SEPTIN14: variants seen among roughly 807,000 people sequenced by gnomAD.
SEPTIN14 encodes the protein septin 14.
In SEPTIN14, 40 loss-of-function variants were observed where a neutral mutation model predicts 53.6. The ratio of observed to expected loss-of-function variants is 0.75; its 90% CI spans 0.58 to 0.97. The LOEUF (loss-of-function observed/expected upper bound fraction) is 0.97. Among genes scored for constraint, SEPTIN14 ranks in the 50% least tolerant of loss-of-function variants. The pLI, the probability that SEPTIN14 is intolerant of heterozygous loss-of-function variation, is 0.00. For synonymous variants in SEPTIN14, 138 were observed against 166.8 expected, an observed-to-expected ratio of 0.83 and a Z score of 1.33; for missense variants, 471 against 508.2, an observed-to-expected ratio of 0.93 and a Z score of 0.70.
chr7:55,835,185 T>TTTTA (rs560812909), intron 5 of SEPTIN14, among the ~76,000 whole-genome samples: 2,628 of 151,610 alleles, frequency 0.017, 40 homozygotes, highest in South Asian at 0.044. Context: ...ATGTAAATTA[T>TTTTA]TTTATTTATT....
chr7:55,854,218 T>C (rs939427933), intron 2 of SEPTIN14, among the ~76,000 whole-genome samples: 2 of 152,216 alleles, frequency 1.3e-5, no homozygotes, highest in Non-Finnish European at 2.9e-5. Context: ...AAAAATATTA[T>C]ATTTGATGAA....
chr7:55,837,228 A>C (rs1328096490), intron 5 of SEPTIN14, among the ~76,000 whole-genome samples: 1 of 150,880 alleles, frequency 6.6e-6, no homozygotes, highest in African/African-American at 2.4e-5. Context: ...CGATCCTCCC[A>C]CCTCAGCCTC....
rs1429307536 is a variant in SEPTIN14 at position 55,839,053 on chromosome 7, A to G, written c.558+3889T>C. On this transcript the variant is annotated intron_variant, in intron 5 of 9. Transcript: ENST00000388975. ...TTTTATCTCAACATGTAGGCATTGT[A>G]TTATCTCACATCATCATAAGAAGAG... Among the ~76,000 whole-genome samples, 4 of 152,152 alleles carry G rather than the reference A, an allele frequency of 2.6e-5. 1 individual carries two copies. The highest frequency in any genetic ancestry group is 9.7e-5 in the African/African-American group (4 of 41,446).
chr7:55,860,669 A>G (rs78991760), intron 2 of SEPTIN14, among the ~76,000 whole-genome samples: 2,552 of 152,260 alleles, frequency 0.017, 64 homozygotes, highest in African/African-American at 0.053. Context: ...TTAATATTAC[A>G]TATCATTTAA....
intron 2 of SEPTIN14, among the ~76,000 whole-genome samples, chr7:55,846,921 C>T (rs1323242794): frequency 1.3e-5 from 2 of 152,166 alleles, no homozygotes; most frequent in African/African-American, 2.4e-5. Flanking sequence ...GGCACGGTGG[C>T]TCATGCCTGT....
rs1435494709 is a variant in SEPTIN14 at position 55,795,674 on chromosome 7, G to A, written c.*239C>T. On this transcript the variant is annotated 3_prime_UTR_variant, in exon 10 of 10. Transcript: ENST00000388975. ...GTAGAGGCAGGGTTTCATCATTTTG[G>A]TCAGGCTGGTTTTGAACTCCTGACC... 2 of 468,232 alleles carry A rather than the reference G, an allele frequency of 4.3e-6. No individual in the cohort carries two copies. Among genetic ancestry groups the A allele is most frequent in the Admixed American group, 3.8e-5 (1 of 26,170 alleles). The allele number at this position is 468,232 out of a possible 1,614,324, so 29.0% of individuals were successfully genotyped here.
At chr7:55,856,726 A>C (rs182886760) in intron 2 of SEPTIN14, among the ~76,000 whole-genome samples, 16 of 152,102 alleles carry the variant, frequency 1.1e-4, no homozygotes, top group Non-Finnish European at 2.4e-4. Context: ...TCTGCCACTG[A>C]TGGACACCTA....
chr7:55,858,318 C>T (rs981622917), intron 2 of SEPTIN14, among the ~76,000 whole-genome samples: 9 of 152,208 alleles, frequency 5.9e-5, no homozygotes, highest in African/African-American at 2.2e-4. Flanking sequence ...AAAGTATTCT[C>T]ACGTACCTTC....
At chr7:55,849,334 T>A in intron 2 of SEPTIN14, among the ~76,000 whole-genome samples, 1 of 146,078 alleles carries the variant, frequency 6.8e-6, no homozygotes, top group Non-Finnish European at 1.5e-5. Context: ...CAAAAATAAA[T>A]AAATAAAAGC....
At chr7:55,811,121 G>A (rs1325170115) in intron 7 of SEPTIN14, 19 of 475,226 alleles carry the variant, frequency 4.0e-5, no homozygotes, top group South Asian at 2.3e-4. Flanking sequence ...TAGCTCCCGC[G>A]GTGATATCCA....
rs533256928 is a variant in SEPTIN14, at chr7:55,813,113, C to A, written c.818-5855G>T. ...TACAGCTGCACACCACTATGCCCAGCTAATTTTTGTATTTTTAGTAGAGAC... is the reference window on the plus strand; with the variant it reads ...TACAGCTGCACACCACTATGCCCAGATAATTTTTGTATTTTTAGTAGAGAC... On this transcript the variant is annotated intron_variant, in intron 7 of 9. Coordinates refer to ENST00000388975, the MANE Select transcript of SEPTIN14 (RefSeq NM_207366.3). Among the ~76,000 whole-genome samples, 423 of 152,224 alleles carry A rather than the reference C, an allele frequency of 2.8e-3. 4 individuals carry two copies. The highest frequency in any genetic ancestry group is 9.5e-3 in the African/African-American group (393 of 41,544).
intron 2 of SEPTIN14, among the ~76,000 whole-genome samples, chr7:55,849,580 T>C (rs964945879): frequency 6.6e-6 from 1 of 151,774 alleles, no homozygotes; most frequent in African/African-American, 2.4e-5. Context: ...ACCCCGTCTC[T>C]ACTAAAAATA....
intron 2 of SEPTIN14, among the ~76,000 whole-genome samples, chr7:55,847,258 ACT>A (rs935248523): frequency 2.4e-4 from 36 of 151,988 alleles, no homozygotes; most frequent in Middle Eastern, 3.4e-3. Context: ...ACTACAAGAA[ACT>A]CTAATGTATT....
chr7:55,834,889 C>T (rs1347114940), intron 5 of SEPTIN14, among the ~76,000 whole-genome samples: 1 of 152,136 alleles, frequency 6.6e-6, no homozygotes, highest in Non-Finnish European at 1.5e-5. Flanking sequence ...TCGTGATCCG[C>T]CTGCCCCGGC....
chr7:55,822,648 G>C (rs536609425), intron 6 of SEPTIN14, among the ~76,000 whole-genome samples: 2 of 152,108 alleles, frequency 1.3e-5, no homozygotes, highest in Non-Finnish European at 2.9e-5. Flanking sequence ...ATTTAATGGA[G>C]ACAAGATATT....
intron 2 of SEPTIN14, among the ~76,000 whole-genome samples, chr7:55,852,273 C>T (rs1235099778): frequency 1.3e-5 from 2 of 152,088 alleles, no homozygotes; most frequent in African/African-American, 2.4e-5. Context: ...AATCACATTA[C>T]TTGACTTCAA....
At chr7:55,808,269 C>T (rs1343973138) in intron 7 of SEPTIN14, among the ~76,000 whole-genome samples, 4 of 152,150 alleles carry the variant, frequency 2.6e-5, no homozygotes, top group African/African-American at 7.2e-5. Flanking sequence ...CAAAATAAGT[C>T]TTAACATATT....
intron 2 of SEPTIN14, among the ~76,000 whole-genome samples, chr7:55,857,830 G>T (rs567430873): frequency 1.3e-5 from 2 of 151,566 alleles, no homozygotes; most frequent in South Asian, 2.1e-4. Context: ...CTCGTGATCC[G>T]CCCGCCTCGG....
At position 55,846,697 on chromosome 7, in the gene SEPTIN14, G is replaced by A. The variant is rs1789422937; in HGVS notation, c.55-60C>T. On this transcript the variant is annotated intron_variant, in intron 2 of 9. Transcript: ENST00000388975. ...GAATAAAAAATGAAGTCATTTGAAAGGAAAATGATTATAGTACATCAAATA... is the reference window on the plus strand; with the variant it reads ...GAATAAAAAATGAAGTCATTTGAAAAGAAAATGATTATAGTACATCAAATA... The A allele has an allele frequency of 7.7e-6, 7 of 913,712 alleles. No homozygotes were observed. The Admixed American group carries it at 1.5e-4, about 20-fold the overall frequency. The allele number at this position is 913,712 out of a possible 1,614,324, so 56.6% of individuals were successfully genotyped here. A position where few individuals can be genotyped will look rare whatever the true frequency, so the allele number is the denominator to read the frequency against.
Sources: allele counts gnomAD v4.1 joint callset (sites outside exome capture counted in the v4.1 genomes callset), GRCh38; gene constraint gnomAD v4.1.1; transcripts MANE v1.5; gene names NCBI Gene and HGNC (gene_info 2026-07-23, HGNC 2026-07-21).